Variants in KIAA0319L observed in about 807,000 individuals in gnomAD.
The protein encoded by KIAA0319L is dyslexia-associated protein KIAA0319-like protein.
A neutral mutation model predicts 120.1 loss-of-function variants in KIAA0319L; 55 were observed. The observed-to-expected ratio is 0.46, with a 90% CI of 0.37 to 0.57. KIAA0319L has a LOEUF of 0.57. KIAA0319L is among the 20% of genes least tolerant of loss of function. The pLI, the probability that KIAA0319L is intolerant of heterozygous loss-of-function variation, is 0.00. For synonymous variants in KIAA0319L, 398 were observed against 471.9 expected (o/e 0.84, Z 2.03); for missense variants, 1,049 against 1,255.3 (o/e 0.84, Z 2.48).
chr1:35,461,701 C>T (rs1642905482), intron 8 of KIAA0319L, among the ~76,000 whole-genome samples: 1 of 152,292 alleles, frequency 6.6e-6, no homozygotes, highest in Admixed American at 6.5e-5. Context: ...TATACATTTG[C>T]ATATTTATTT....
At chr1:35,447,192 G>T (rs1301431203) in intron 16 of KIAA0319L, among the ~76,000 whole-genome samples, 1 of 149,426 alleles carries the variant, frequency 6.7e-6, no homozygotes, top group African/African-American at 2.5e-5. Flanking sequence ...CCAGCCTTTG[G>T]TCTCTCCCTA....
chr1:35,466,970 T>C, intron 6 of KIAA0319L, among the ~76,000 whole-genome samples: 1 of 151,946 alleles, frequency 6.6e-6, no homozygotes, highest in East Asian at 1.9e-4. Context: ...CACACACCTG[T>C]AGTCCCAGCT....
intron 6 of KIAA0319L, among the ~76,000 whole-genome samples, chr1:35,470,506 A>G (rs1449395292): frequency 6.6e-6 from 1 of 150,658 alleles, no homozygotes; most frequent in Non-Finnish European, 1.5e-5. Flanking sequence ...AAAAAAAAAA[A>G]AAAAAAAAGA....
rs906612336 is a variant in KIAA0319L at position 35,530,982 on chromosome 1, G to A, written c.142+23368C>T. 5.9e-5 allele frequency among the ~76,000 whole-genome samples: 9 copies of A among 152,300 alleles called. No individual in the cohort carries two copies. In the East Asian group the frequency reaches 7.7e-4, roughly 13 times the overall value. ...CAGGGAAAGGCTGTCCTCAGGGTGC[G>A]TGAAAGTGTGCAGCAGCCCTACTTG... On this transcript the variant is annotated intron_variant, in intron 2 of 20. Transcript: ENST00000325722.
intron 1 of KIAA0319L, among the ~76,000 whole-genome samples, chr1:35,555,346 G>A (rs1647816763): frequency 6.6e-6 from 1 of 152,114 alleles, no homozygotes; most frequent in South Asian, 2.1e-4. Context: ...AACGACACAG[G>A]CTGCCAACCC....
chr1:35,483,032 C>T (rs994707498), intron 3 of KIAA0319L, among the ~76,000 whole-genome samples: 3 of 152,202 alleles, frequency 2.0e-5, no homozygotes, highest in Non-Finnish European at 4.4e-5. Flanking sequence ...ATTTATCGGA[C>T]ACCTGTATAA....
At chr1:35,497,794 A>C (rs760565546) in intron 3 of KIAA0319L, among the ~76,000 whole-genome samples, 1 of 152,150 alleles carries the variant, frequency 6.6e-6, no homozygotes, top group Non-Finnish European at 1.5e-5. Flanking sequence ...GACTGCTTTC[A>C]TTTTTTTCAT....
chr1:35,446,816 T>C (rs759361457), intron 16 of KIAA0319L, among the ~76,000 whole-genome samples: 1 of 152,228 alleles, frequency 6.6e-6, no homozygotes, highest in Non-Finnish European at 1.5e-5. Context: ...CCCGTTCTCA[T>C]GGCTTTGGCT....
chr1:35,507,948 A>G (rs572010606), intron 2 of KIAA0319L, among the ~76,000 whole-genome samples: 1 of 152,358 alleles, frequency 6.6e-6, no homozygotes, highest in Non-Finnish European at 1.5e-5. Flanking sequence ...TAATTATTTC[A>G]GGTATGGCAT....
intron 2 of KIAA0319L, among the ~76,000 whole-genome samples, chr1:35,510,791 A>C (rs1645408310): frequency 6.6e-6 from 1 of 151,798 alleles, no homozygotes; most frequent in Non-Finnish European, 1.5e-5. Flanking sequence ...ACTTTTTGTC[A>C]GAGATGGGGT....
chr1:35,442,229 A>G lies in KIAA0319L; in HGVS notation c.2870+17T>C. ...GACAAGAAGCCCGAATGAATTTCAAAGGAAAATCCATCTTACCTCTTACAA... is the reference window on the plus strand; with the variant it reads ...GACAAGAAGCCCGAATGAATTTCAAGGGAAAATCCATCTTACCTCTTACAA... On this transcript the variant is annotated intron_variant, in intron 19 of 20. Transcript: ENST00000325722. 2 of 1,582,200 alleles carry G rather than the reference A, an allele frequency of 1.3e-6. No individual in the cohort carries two copies. The highest frequency in any genetic ancestry group is 1.7e-6 in the Non-Finnish European group (2 of 1,150,998).
intron 19 of KIAA0319L, 50 bp downstream of exon 19, chr1:35,442,196 G>C: frequency 2.9e-6 from 4 of 1,385,506 alleles, no homozygotes; most frequent in Non-Finnish European, 4.1e-6. Flanking sequence ...TCTGAGGAAC[G>C]AATGTATGAC....
intron 9 of KIAA0319L, among the ~76,000 whole-genome samples, chr1:35,458,476 C>T (rs979776116): frequency 6.6e-6 from 1 of 151,982 alleles, no homozygotes; most frequent in Non-Finnish European, 1.5e-5. Flanking sequence ...CAAATCAAAT[C>T]ATATCATTTC....
intron 3 of KIAA0319L, among the ~76,000 whole-genome samples, chr1:35,503,697 C>T (rs1645093176): frequency 6.6e-6 from 1 of 152,066 alleles, no homozygotes; most frequent in Non-Finnish European, 1.5e-5. Context: ...ATACAGTTGG[C>T]CCTTAAACAA....
At chr1:35,460,152 T>C (rs1642786890) in intron 9 of KIAA0319L, among the ~76,000 whole-genome samples, 153 bp downstream of exon 9, 2 of 152,258 alleles carry the variant, frequency 1.3e-5, no homozygotes, top group South Asian at 4.1e-4. Context: ...ACAATCACCA[T>C]AGGGCTCAGA....
chr1:35,441,000 C>T (rs775379755), intron 20 of KIAA0319L, 47 bp downstream of exon 20: 24 of 1,444,610 alleles, frequency 1.7e-5, no homozygotes, highest in Non-Finnish European at 2.3e-5. Flanking sequence ...CAGCCTTCCA[C>T]AGAGAGAGTG....
intron 2 of KIAA0319L, among the ~76,000 whole-genome samples, chr1:35,517,110 A>G (rs919475203): frequency 1.3e-5 from 2 of 152,230 alleles, no homozygotes; most frequent in East Asian, 3.8e-4. Context: ...GGAAGAATCA[A>G]TATCATTAAA....
At chr1:35,458,620 C>T (rs1490943655) in intron 9 of KIAA0319L, among the ~76,000 whole-genome samples, 1 of 152,152 alleles carries the variant, frequency 6.6e-6, no homozygotes, top group Non-Finnish European at 1.5e-5. Flanking sequence ...GGGCAAGTTA[C>T]TTAAACTCTT....
intron 2 of KIAA0319L, among the ~76,000 whole-genome samples, chr1:35,523,264 C>T (rs951476400): frequency 3.3e-5 from 5 of 152,118 alleles, no homozygotes; most frequent in Admixed American, 2.6e-4. Flanking sequence ...CCATTGGCTC[C>T]ATGTCTTTGC....
Sources: gnomAD v4.1 joint callset for allele counts (sites outside exome capture counted in the v4.1 genomes callset) on GRCh38, gnomAD v4.1.1 for gene constraint, MANE v1.5 for transcripts, NCBI Gene and HGNC (gene_info 2026-07-23, HGNC 2026-07-21) for gene names.